GOSR2: variants seen among roughly 807,000 people sequenced by gnomAD.
The protein encoded by GOSR2 is 27 kDa Golgi SNARE protein.
In GOSR2, 20 loss-of-function variants were observed where a neutral mutation model predicts 27.9. The ratio of observed to expected loss-of-function variants is 0.72; its 90% CI spans 0.50 to 1.04. The LOEUF is 1.04. Among genes scored for constraint, GOSR2 ranks in the 50% least tolerant of loss-of-function variants. GOSR2 has a pLI of 0.00. For synonymous variants in GOSR2, 91 were observed against 98.8 expected, an observed-to-expected ratio of 0.92 and a Z score of 0.47; for missense variants, 261 against 270.5, an observed-to-expected ratio of 0.97 and a Z score of 0.25.
At position 46,923,183 on chromosome 17, in the gene GOSR2, G is replaced by C. The variant is rs2085945923; in HGVS notation, c.-10G>C. 6.5e-7 allele frequency: 1 copy of C among 1,537,622 alleles called. No homozygotes were observed. The highest frequency in any genetic ancestry group is 2.0e-5 in the Admixed American group (1 of 50,994). On this transcript the variant is annotated 5_prime_UTR_variant, in exon 1 of 6. Coordinates refer to ENST00000640051, the MANE Select transcript of GOSR2 (RefSeq NM_004287.5). ...CCAGAGCCGGAGCCGTGGCCTGCGG[G>C]GCCGGCGACATGGATCCCCTGTTCC...
chr17:46,953,498 C>T (rs2090511982), intron 6 of GOSR2, among the ~76,000 whole-genome samples: 1 of 152,132 alleles, frequency 6.6e-6, no homozygotes, highest in South Asian at 2.1e-4. Context: ...AATAGTGCCG[C>T]AATAAACATA....
chr17:46,932,309 TGAG>T (rs2087520229), intron 4 of GOSR2, 110 bp downstream of exon 4: 5 of 1,254,886 alleles, frequency 4.0e-6, no homozygotes, highest in Non-Finnish European at 5.8e-6. Context: ...AGACTGATGA[TGAG>T]GAAACCAACT....
Position 46,941,244 on chromosome 17 carries a change from A to G in GOSR2, c.*2484A>G, listed in dbSNP as rs1172370302. 1.0e-6 allele frequency: 1 copy of G among 994,092 alleles called. No individual in the cohort carries two copies. Among genetic ancestry groups the G allele is most frequent in the Non-Finnish European group, 1.2e-6 (1 of 834,074 alleles). The allele number at this position is 994,092 out of a possible 1,614,324, so 61.6% of individuals were successfully genotyped here. On this transcript the variant is annotated 3_prime_UTR_variant, in exon 6 of 6. Transcript: ENST00000640051. ...CTTGATTTTTTAGACTTCACTGCGG[A>G]GTTCTGTACACCCTTTGCCCTGATG...
At chr17:46,937,368 A>T (rs143463615) in intron 5 of GOSR2, 1 of 152,230 alleles carries the variant, frequency 6.6e-6, no homozygotes, top group Non-Finnish European at 1.5e-5. Flanking sequence ...TTGGAACTAG[A>T]GAGCCGAGGA....
chr17:46,957,588 A>G (rs911014795), intron 6 of GOSR2, among the ~76,000 whole-genome samples: 7 of 151,884 alleles, frequency 4.6e-5, no homozygotes, highest in Non-Finnish European at 8.8e-5. Context: ...ACTCCAGCCT[A>G]GGTGACAGAG....
At chr17:46,936,505 AT>A (rs2088388744) in intron 5 of GOSR2, 1 of 985,352 alleles carries the variant, frequency 1.0e-6, no homozygotes, top group African/African-American at 1.7e-5. Flanking sequence ...TTGTCTCTTG[AT>A]TCCCTCCACC....
intron 4 of GOSR2, chr17:46,933,611 C>T (rs1599003250): frequency 2.2e-5 from 3 of 133,974 alleles, no homozygotes; most frequent in East Asian, 2.1e-4. Flanking sequence ...ATCTGAGCAG[C>T]AAAGAAACAG....
intron 6 of GOSR2, among the ~76,000 whole-genome samples, chr17:46,950,076 A>G (rs1411235191): frequency 6.6e-6 from 1 of 152,244 alleles, no homozygotes; most frequent in Admixed American, 6.5e-5. Flanking sequence ...TCCTGGAGGG[A>G]GCATGGGATA....
chr17:46,926,468 C>CA (rs2086516985), intron 1 of GOSR2, among the ~76,000 whole-genome samples: 2 of 152,180 alleles, frequency 1.3e-5, no homozygotes, highest in Non-Finnish European at 2.9e-5. Flanking sequence ...AAGACGGCTA[C>CA]AATGACCCTG....
intron 4 of GOSR2, among the ~76,000 whole-genome samples, chr17:46,934,549 C>G (rs536493011): frequency 1.3e-5 from 2 of 152,078 alleles, no homozygotes; most frequent in Non-Finnish European, 2.9e-5. Flanking sequence ...AGAAGCACAG[C>G]CTCCTCTATC....
Position 46,940,262 on chromosome 17 carries a change from G to A in GOSR2, c.*1502G>A. 1 of 1,424,974 alleles carries A rather than the reference G, an allele frequency of 7.0e-7. No homozygotes were observed. The highest frequency in any genetic ancestry group is 2.9e-5 in the Admixed American group (1 of 34,824). The allele number at this position is 1,424,974 out of a possible 1,614,324, so 88.3% of individuals were successfully genotyped here. ...GCTAATTTCACACTTTCGGTTGGAG[G>A]AGATCTCCATTGTTCCTACCCCTCC... On this transcript the variant is annotated 3_prime_UTR_variant, in exon 6 of 6. Coordinates refer to ENST00000640051, the MANE Select transcript of GOSR2 (RefSeq NM_004287.5).
intron 5 of GOSR2, chr17:46,935,759 G>A (rs1489858468): frequency 6.1e-6 from 6 of 986,978 alleles, no homozygotes; most frequent in African/African-American, 1.7e-5. Context: ...CTGACCAGTT[G>A]GCACTGCTGA....
At chr17:46,955,757 G>A (rs915503771) in intron 6 of GOSR2, 2 of 152,152 alleles carry the variant, frequency 1.3e-5, no homozygotes, top group Non-Finnish European at 2.9e-5. Flanking sequence ...ACTCACTTTT[G>A]TTAACACTTT....
chr17:46,932,599 A>G (rs914353809), intron 4 of GOSR2: 9 of 417,570 alleles, frequency 2.2e-5, no homozygotes, highest in African/African-American at 1.4e-4. Flanking sequence ...TGTGCCGAGT[A>G]TGTGTGTGGC....
chr17:46,925,897 T>C (rs1598928735), intron 1 of GOSR2, among the ~76,000 whole-genome samples: 1 of 152,310 alleles, frequency 6.6e-6, no homozygotes, highest in South Asian at 2.1e-4. Context: ...CACTTAAATG[T>C]TTAATTTAGA....
At chr17:46,937,511 A>G (rs1443607355) in intron 5 of GOSR2, 2 of 152,340 alleles carry the variant, frequency 1.3e-5, no homozygotes, top group African/African-American at 2.4e-5. Context: ...GGGCAATTGT[A>G]TCAGCCTTTG....
At chr17:46,973,045 A>C (rs1450894674) in intron 6 of GOSR2, 2 of 152,278 alleles carry the variant, frequency 1.3e-5, no homozygotes, top group East Asian at 4.1e-4. Flanking sequence ...TCTGAGTAGC[A>C]TCCTTGGAAT....
chr17:46,964,767 T>G (rs369436809), intron 6 of GOSR2: 3 of 152,212 alleles, frequency 2.0e-5, no homozygotes, highest in Non-Finnish European at 2.9e-5. Context: ...CCATGACTTA[T>G]TAGTGGCACA....
intron 6 of GOSR2, among the ~76,000 whole-genome samples, chr17:46,957,802 C>G (rs1338334300): frequency 6.6e-6 from 1 of 152,140 alleles, no homozygotes; most frequent in Non-Finnish European, 1.5e-5. Flanking sequence ...AGATATCGGA[C>G]AGGAGAGAGA....
Sources: allele counts gnomAD v4.1 joint callset (sites outside exome capture counted in the v4.1 genomes callset), GRCh38; gene constraint gnomAD v4.1.1; transcripts MANE v1.5; gene names NCBI Gene and HGNC (gene_info 2026-07-23, HGNC 2026-07-21).